MGAT4C: variants seen among roughly 807,000 people sequenced by gnomAD.
The protein encoded by MGAT4C is MGAT4 family member C.
MGAT4C carries 19 observed loss-of-function variants against 40.1 expected under a neutral mutation model. The observed-to-expected ratio is 0.47, with a 90% confidence interval of 0.33 to 0.70. The LOEUF (loss-of-function observed/expected upper bound fraction) is 0.70, where lower values mean the gene tolerates loss of function less well. MGAT4C is among the 30% of genes least tolerant of loss of function. The pLI, the probability that MGAT4C is intolerant of heterozygous loss-of-function variation, is 0.02. For missense variants in MGAT4C, 491 were observed against 563.2 expected (o/e 0.87, Z 1.30); for synonymous variants, 181 against 187.1 (o/e 0.97, Z 0.27).
intron 2 of MGAT4C, among the ~76,000 whole-genome samples, chr12:86,638,987 TA>T (rs1963302074): frequency 6.6e-6 from 1 of 151,924 alleles, no homozygotes; most frequent in East Asian, 1.9e-4. Context: ...AATGTCATTT[TA>T]AAAAATAATA....
At chr12:86,208,093 G>C (rs844434) in intron 1 of MGAT4C, among the ~76,000 whole-genome samples, 115,686 of 152,080 alleles carry the variant, frequency 0.76, 44,472 homozygotes, top group Middle Eastern at 0.83. Context: ...TGACCTCCCT[G>C]TCATCCCAAC....
chr12:86,711,495 T>G (rs2136631822), intron 2 of MGAT4C, among the ~76,000 whole-genome samples: 2 of 152,250 alleles, frequency 1.3e-5, no homozygotes, highest in African/African-American at 4.8e-5. Context: ...AATGTGTACT[T>G]AAGATTTTGT....
At chr12:86,729,114 T>C (rs891405401) in intron 1 of MGAT4C, among the ~76,000 whole-genome samples, 13 of 152,204 alleles carry the variant, frequency 8.5e-5, no homozygotes, top group Admixed American at 6.5e-4. Flanking sequence ...TGATGTTCTG[T>C]GCAAATTTCA....
intron 2 of MGAT4C, among the ~76,000 whole-genome samples, chr12:86,588,715 G>C (rs886394595): frequency 8.1e-4 from 124 of 152,188 alleles, no homozygotes; most frequent in African/African-American, 2.7e-3. Flanking sequence ...TCAGACCGCA[G>C]TGCAATCAAA....
chr12:86,232,710 C>T (rs771813449), intron 1 of MGAT4C, among the ~76,000 whole-genome samples: 1 of 152,150 alleles, frequency 6.6e-6, no homozygotes, highest in African/African-American at 2.4e-5. Flanking sequence ...TAAAGAGTTG[C>T]CCTCAGCCAC....
chr12:86,286,949 T>A (rs1953367249), intron 4 of MGAT4C, among the ~76,000 whole-genome samples: 3 of 152,168 alleles, frequency 2.0e-5, no homozygotes, highest in Admixed American at 6.6e-5. Flanking sequence ...TGGTATTCCA[T>A]GATTTATAAG....
intron 2 of MGAT4C, among the ~76,000 whole-genome samples, chr12:86,003,249 T>C (rs1325463152): frequency 6.6e-6 from 1 of 152,244 alleles, no homozygotes; most frequent in African/African-American, 2.4e-5. Flanking sequence ...TAGCTTCATA[T>C]TGTTTGTTTC....
intron 1 of MGAT4C, among the ~76,000 whole-genome samples, chr12:86,061,300 G>A (rs1592816604): frequency 6.6e-6 from 1 of 152,092 alleles, no homozygotes; most frequent in South Asian, 2.1e-4. Context: ...GTGAGGGACT[G>A]TGCCTTGAGG....
chr12:86,207,057 A>C (rs1045070065), intron 1 of MGAT4C, among the ~76,000 whole-genome samples: 5 of 152,108 alleles, frequency 3.3e-5, no homozygotes, highest in African/African-American at 1.2e-4. Flanking sequence ...GTTATAGAAA[A>C]AAAGAGGGAA....
At chr12:86,329,940 G>C (rs561084478) in intron 4 of MGAT4C, among the ~76,000 whole-genome samples, 1 of 152,118 alleles carries the variant, frequency 6.6e-6, no homozygotes, top group Admixed American at 6.6e-5. Flanking sequence ...AGGTGTTTGT[G>C]TGTTTCTTTA....
intron 1 of MGAT4C, among the ~76,000 whole-genome samples, chr12:86,098,515 C>T (rs559111398): frequency 6.6e-6 from 1 of 151,636 alleles, no homozygotes; most frequent in East Asian, 1.9e-4. Context: ...TTTGGTTCCC[C>T]TTGTTTCCAC....
intron 2 of MGAT4C, among the ~76,000 whole-genome samples, chr12:86,019,867 T>G (rs889544192): frequency 2.6e-4 from 40 of 152,160 alleles, no homozygotes; most frequent in Non-Finnish European, 4.4e-5. Flanking sequence ...TTTATTTCAT[T>G]GAGCAGTGGT....
At chr12:86,675,098 T>C (rs1416832828) in intron 2 of MGAT4C, among the ~76,000 whole-genome samples, 2 of 152,174 alleles carry the variant, frequency 1.3e-5, no homozygotes, top group Non-Finnish European at 2.9e-5. Flanking sequence ...GTGCTGCAAA[T>C]ACATGTCATC....
chr12:86,104,212 C>T (rs1875688191), intron 1 of MGAT4C, among the ~76,000 whole-genome samples: 1 of 151,274 alleles, frequency 6.6e-6, no homozygotes, highest in African/African-American at 2.4e-5. Context: ...TGCTTGAGCC[C>T]AGGAGATACA....
chr12:85,967,953 T>C lies in MGAT4C; in HGVS notation c.*11336A>G, dbSNP rs183562673. 72 of 152,252 alleles carry C rather than the reference T, an allele frequency of 4.7e-4. No individual in the cohort carries two copies. The highest frequency in any genetic ancestry group is 1.7e-3 in the African/African-American group (70 of 41,582). 9.4% of individuals were successfully genotyped at this position (152,252 alleles called of 1,614,324 possible). ...CATTATTTCATTTGTGGAAATATAT[T>C]GAGGCCTATATCAATAACCTCAAAC... On this transcript the variant is annotated 3_prime_UTR_variant, in exon 5 of 5. Coordinates refer to ENST00000611864, the MANE Select transcript of MGAT4C (RefSeq NM_001351288.2).
intron 1 of MGAT4C, among the ~76,000 whole-genome samples, chr12:86,806,493 T>G (rs1952356696): frequency 6.6e-6 from 1 of 151,980 alleles, no homozygotes; most frequent in South Asian, 2.1e-4. Flanking sequence ...TATATAACTT[T>G]ACCACGTGTG....
At chr12:86,522,386 T>C (rs1220920728) in intron 2 of MGAT4C, among the ~76,000 whole-genome samples, 1 of 152,194 alleles carries the variant, frequency 6.6e-6, no homozygotes, top group African/African-American at 2.4e-5. Flanking sequence ...TAGTTCTGTT[T>C]ATGTAATGAA....
intron 2 of MGAT4C, among the ~76,000 whole-genome samples, chr12:86,556,850 A>C (rs1364917581): frequency 1.3e-5 from 2 of 152,156 alleles, no homozygotes; most frequent in African/African-American, 2.4e-5. Context: ...AAGCTCAACT[A>C]TTCAGTTACA....
At chr12:86,611,852 CTGT>C (rs1253933325) in intron 2 of MGAT4C, among the ~76,000 whole-genome samples, 1 of 152,020 alleles carries the variant, frequency 6.6e-6, no homozygotes, top group Non-Finnish European at 1.5e-5. Context: ...ACCATGTTAA[CTGT>C]TTAGTAATAT....
Sources: gnomAD v4.1 joint callset for allele counts (sites outside exome capture counted in the v4.1 genomes callset) on GRCh38, gnomAD v4.1.1 for gene constraint, MANE v1.5 for transcripts, NCBI Gene and HGNC (gene_info 2026-07-23, HGNC 2026-07-21) for gene names.